Variants in COL15A1 observed in about 807,000 individuals in gnomAD.
COL15A1 encodes collagen type XV alpha 1 chain.
Under a neutral mutation model 165.9 loss-of-function variants are expected in COL15A1, and 111 were observed. The ratio of observed to expected loss-of-function variants is 0.67; its 90% confidence interval spans 0.57 to 0.78. COL15A1 has a LOEUF of 0.78. Among genes scored for constraint, COL15A1 ranks in the 30% least tolerant of loss-of-function variants. COL15A1 has a pLI of 0.00. For synonymous variants in COL15A1, 659 were observed against 674.8 expected (o/e 0.98, Z 0.36); for missense variants, 1,745 against 1,789.7 (o/e 0.98, Z 0.45).
At chr9:98,997,906 C>A (rs1026260510) in intron 6 of COL15A1, 1 of 152,254 alleles carries the variant, frequency 6.6e-6, no homozygotes, top group South Asian at 2.1e-4. Flanking sequence ...CCTGGCAGCA[C>A]TGTTCTTAGG....
chr9:99,052,448 CT>C lies in COL15A1; in HGVS notation c.2950+17del, dbSNP rs3832635. 17,602 of 1,586,816 alleles carry C rather than the reference CT, an allele frequency of 0.011. 839 individuals are homozygous for C. Among genetic ancestry groups the C allele is most frequent in the South Asian group, 0.1 (9,093 of 90,454 alleles). On this transcript the variant is annotated intron_variant, in intron 31 of 41. Transcript: ENST00000375001. The stretch of plus-strand genomic sequence containing the variant: ...CACTTTTCACGGTATACACTCCCTT[CT>C]TCATCATTTGTTTCTCTGGGACATC...
At chr9:99,055,509 C>T (rs1262546667) in intron 34 of COL15A1, 137 bp downstream of exon 34, 3 of 624,356 alleles carry the variant, frequency 4.8e-6, no homozygotes, top group African/African-American at 3.7e-5. Context: ...CAGCTCTTTC[C>T]CCATCCTTGT....
intron 9 of COL15A1, among the ~76,000 whole-genome samples, chr9:99,011,634 CTTTTTTT>C (rs1039355341): frequency 6.6e-6 from 1 of 151,636 alleles, no homozygotes; most frequent in Non-Finnish European, 1.5e-5. Flanking sequence ...AAAAAACACA[CTTTTTTT>C]TAGAAAGAAT....
chr9:99,068,746 A>G (rs1270277727), intron 41 of COL15A1, 76 bp downstream of exon 41: 1 of 836,360 alleles, frequency 1.2e-6, no homozygotes, highest in East Asian at 2.9e-5. Flanking sequence ...GGATGCCTTT[A>G]TCAGCTGCTT....
intron 2 of COL15A1, among the ~76,000 whole-genome samples, chr9:98,969,496 T>G (rs901414023): frequency 3.3e-5 from 5 of 152,246 alleles, no homozygotes; most frequent in African/African-American, 9.6e-5. Flanking sequence ...CTCCTAGCTC[T>G]GAAAAAATGT....
chr9:98,981,198 C>A (rs1408953981), intron 2 of COL15A1, among the ~76,000 whole-genome samples: 1 of 152,188 alleles, frequency 6.6e-6, no homozygotes, highest in Non-Finnish European at 1.5e-5. Context: ...TCATTCACGC[C>A]TGTAATCCCA....
intron 2 of COL15A1, among the ~76,000 whole-genome samples, chr9:98,949,143 C>T (rs931173063): frequency 6.6e-6 from 1 of 152,210 alleles, no homozygotes; most frequent in Non-Finnish European, 1.5e-5. Context: ...TTTTTAAATG[C>T]AGAATCTATT....
intron 35 of COL15A1, among the ~76,000 whole-genome samples, chr9:99,056,654 A>G (rs1277595775): frequency 1.3e-5 from 2 of 152,124 alleles, no homozygotes; most frequent in Admixed American, 1.3e-4. Flanking sequence ...ATTCTAGACC[A>G]TTTTCATCAC....
chr9:98,964,902 C>T (rs1281582002), intron 2 of COL15A1, among the ~76,000 whole-genome samples: 2 of 152,172 alleles, frequency 1.3e-5, no homozygotes, highest in Admixed American at 6.5e-5. Context: ...CGAGATTTCA[C>T]GGTGCCCACT....
chr9:99,001,896 C>A (rs1838661856), intron 7 of COL15A1, among the ~76,000 whole-genome samples: 1 of 152,134 alleles, frequency 6.6e-6, no homozygotes, highest in Non-Finnish European at 1.5e-5. Context: ...GACCTAGGAT[C>A]AAAATTCCAT....
At chr9:99,028,028 T>C (rs1361971173) in intron 16 of COL15A1, among the ~76,000 whole-genome samples, 1 of 152,166 alleles carries the variant, frequency 6.6e-6, no homozygotes, top group Non-Finnish European at 1.5e-5. Flanking sequence ...GCCCTTCAAC[T>C]TGCATACCTC....
At chr9:98,994,941 T>C (rs1455036731) in intron 5 of COL15A1, among the ~76,000 whole-genome samples, 1 of 152,044 alleles carries the variant, frequency 6.6e-6, no homozygotes, top group Non-Finnish European at 1.5e-5. Flanking sequence ...TTTGACAACT[T>C]CAGCCACCCT....
intron 2 of COL15A1, among the ~76,000 whole-genome samples, chr9:98,965,990 G>C (rs945040239): frequency 6.6e-6 from 1 of 151,968 alleles, no homozygotes; most frequent in Non-Finnish European, 1.5e-5. Context: ...TGTTCCCCCA[G>C]AGCCCAGCCC....
At chr9:99,068,467 CAAAAAAA>C (rs34451429) in intron 40 of COL15A1, 81 bp from the exon 41 acceptor site, 20 of 269,444 alleles carry the variant, frequency 7.4e-5, no homozygotes, top group Non-Finnish European at 8.7e-5. Flanking sequence ...GAAACTGTGT[CAAAAAAA>C]AAAAAAAAAA....
At chr9:98,949,399 C>T (rs1469204715) in intron 2 of COL15A1, among the ~76,000 whole-genome samples, 1 of 152,138 alleles carries the variant, frequency 6.6e-6, no homozygotes, top group Non-Finnish European at 1.5e-5. Context: ...GGTTCTATAC[C>T]TACGAGTGGA....
At chr9:99,029,750 C>T (rs939980518) in intron 16 of COL15A1, among the ~76,000 whole-genome samples, 3 of 151,982 alleles carry the variant, frequency 2.0e-5, no homozygotes, top group Admixed American at 6.6e-5. Flanking sequence ...ATGGCGAAAC[C>T]CCATCTCTAC....
At position 99,067,145 on chromosome 9, in the gene COL15A1, C is replaced by T. The variant is rs1297507153; in HGVS notation, c.3837+78C>T. 4.0e-6 allele frequency: 5 copies of T among 1,251,390 alleles called. No homozygotes were observed. The African/African-American group carries it at 6.0e-5, about 15-fold the overall frequency. 77.5% of individuals were successfully genotyped at this position (1,251,390 alleles called of 1,614,324 possible). ...GCCTGGAGGCAGTTTTCATTCCTGA[C>T]ATCAACAGAAGACTGTTGACTTAAG... On this transcript the variant is annotated intron_variant, in intron 40 of 41. Coordinates refer to ENST00000375001, the MANE Select transcript of COL15A1 (RefSeq NM_001855.5).
chr9:99,051,665 G>T (rs1001178472), intron 30 of COL15A1, among the ~76,000 whole-genome samples: 2 of 152,152 alleles, frequency 1.3e-5, no homozygotes, highest in Admixed American at 1.3e-4. Flanking sequence ...TTTTCTTGAT[G>T]GCCCCTGAGC....
At chr9:99,067,164 A>ATGT in intron 40 of COL15A1, 97 bp downstream of exon 40, 1 of 1,075,170 alleles carries the variant, frequency 9.3e-7, no homozygotes, top group African/African-American at 1.6e-5. Context: ...AAGACTGTTG[A>ATGT]CTTAAGCCTG....
Sources: gnomAD v4.1 joint callset for allele counts (sites outside exome capture counted in the v4.1 genomes callset) on GRCh38, gnomAD v4.1.1 for gene constraint, MANE v1.5 for transcripts, NCBI Gene and HGNC (gene_info 2026-07-23, HGNC 2026-07-21) for gene names.